Variants in XKR6 observed in about 807,000 individuals in gnomAD.
XKR6 encodes the protein XK related 6.
In XKR6, 22 loss-of-function variants were observed where a neutral mutation model predicts 56.7. That is an observed-to-expected ratio of 0.39 (90% CI 0.28 to 0.55). XKR6 has a LOEUF of 0.55. XKR6 is among the 20% of genes least tolerant of loss of function. XKR6 has a pLI of 0.66. For missense variants in XKR6, 852 were observed against 889.0 expected (o/e 0.96, Z 0.53); for synonymous variants, 524 against 387.8 (o/e 1.35, Z -4.13).
At chr8:11,151,062 A>C (rs938748723) in intron 1 of XKR6, among the ~76,000 whole-genome samples, 1 of 152,140 alleles carries the variant, frequency 6.6e-6, no homozygotes, top group Non-Finnish European at 1.5e-5. Flanking sequence ...GCTTCATATA[A>C]GACTCTTTTG....
At chr8:11,107,437 G>A (rs560773443) in intron 1 of XKR6, among the ~76,000 whole-genome samples, 49 of 152,084 alleles carry the variant, frequency 3.2e-4, no homozygotes, top group Admixed American at 2.6e-4. Context: ...CTCCTGCCTC[G>A]GCCTCCCAGA....
intron 1 of XKR6, chr8:11,108,356 T>C (rs781312590): frequency 2.9e-4 from 133 of 456,044 alleles, no homozygotes; most frequent in Non-Finnish European, 5.1e-4. Context: ...CTACTACAAT[T>C]TGAAGTACAC....
chr8:10,939,728 G>A (rs943928127), intron 1 of XKR6, among the ~76,000 whole-genome samples: 1 of 152,228 alleles, frequency 6.6e-6, no homozygotes, highest in Non-Finnish European at 1.5e-5. Flanking sequence ...CTCTGCTTTC[G>A]ACCAGAGACC....
chr8:11,162,230 G>A (rs1006633086), intron 1 of XKR6, among the ~76,000 whole-genome samples: 1 of 152,212 alleles, frequency 6.6e-6, no homozygotes, highest in African/African-American at 2.4e-5. Flanking sequence ...AAGTTGAGGA[G>A]AAGTGGTTGC....
chr8:11,044,047 T>C (rs892671789), intron 1 of XKR6, among the ~76,000 whole-genome samples: 1 of 152,218 alleles, frequency 6.6e-6, no homozygotes, highest in African/African-American at 2.4e-5. Flanking sequence ...CACCAGACAG[T>C]GACTAACCGA....
At chr8:10,923,578 G>A (rs1586310326) in intron 2 of XKR6, among the ~76,000 whole-genome samples, 1 of 152,364 alleles carries the variant, frequency 6.6e-6, no homozygotes, top group Middle Eastern at 3.4e-3. Flanking sequence ...AGGGGGATTG[G>A]AGCCTACAGA....
chr8:11,145,123 A>C (rs1037579065), intron 1 of XKR6, among the ~76,000 whole-genome samples: 3 of 152,146 alleles, frequency 2.0e-5, no homozygotes, highest in Non-Finnish European at 4.4e-5. Context: ...CCAAAATCCA[A>C]AACATTTTGA....
intron 1 of XKR6, among the ~76,000 whole-genome samples, chr8:11,092,081 C>G (rs961503312): frequency 2.6e-5 from 4 of 152,144 alleles, no homozygotes; most frequent in African/African-American, 7.2e-5. Context: ...TACAAATGTT[C>G]ATAGCAAGTG....
At chr8:11,037,278 T>C (rs952770191) in intron 1 of XKR6, among the ~76,000 whole-genome samples, 2 of 152,066 alleles carry the variant, frequency 1.3e-5, no homozygotes, top group African/African-American at 2.4e-5. Flanking sequence ...CAGGCTGGAG[T>C]GTGGTGGTAC....
At chr8:11,093,501 G>C (rs917512819) in intron 1 of XKR6, among the ~76,000 whole-genome samples, 7 of 152,226 alleles carry the variant, frequency 4.6e-5, no homozygotes, top group African/African-American at 1.7e-4. Flanking sequence ...GTGGCGTCTT[G>C]TGCCAGCAGC....
At chr8:10,925,418 T>C (rs1429818564) in intron 1 of XKR6, among the ~76,000 whole-genome samples, 1 of 152,134 alleles carries the variant, frequency 6.6e-6, no homozygotes, top group Non-Finnish European at 1.5e-5. Flanking sequence ...TGTCGCCGGA[T>C]AGTGGAACAA....
At chr8:11,121,051 G>A (rs2129183515) in intron 1 of XKR6, among the ~76,000 whole-genome samples, 1 of 152,304 alleles carries the variant, frequency 6.6e-6, no homozygotes. Context: ...ATGGATTAAA[G>A]CCTTACATGT....
At chr8:10,921,395 C>T (rs562567974) in intron 2 of XKR6, among the ~76,000 whole-genome samples, 6 of 152,252 alleles carry the variant, frequency 3.9e-5, no homozygotes, top group Non-Finnish European at 5.9e-5. Flanking sequence ...TGGCCCATGG[C>T]GGGTGGTACC....
chr8:10,927,074 T>A (rs184605682), intron 1 of XKR6, among the ~76,000 whole-genome samples: 1 of 152,136 alleles, frequency 6.6e-6, no homozygotes. Context: ...GAAGAGATGA[T>A]GGCAGCAAGA....
intron 1 of XKR6, among the ~76,000 whole-genome samples, chr8:11,175,815 C>T (rs539857880): frequency 6.6e-6 from 1 of 152,306 alleles, no homozygotes; most frequent in East Asian, 1.9e-4. Context: ...AAATACACTA[C>T]ACATCCGTCC....
intron 2 of XKR6, among the ~76,000 whole-genome samples, chr8:10,910,496 C>G (rs1466788275): frequency 6.6e-6 from 1 of 152,172 alleles, no homozygotes; most frequent in Admixed American, 6.5e-5. Flanking sequence ...GAAAGAGCCA[C>G]CACCGCAATC....
chr8:10,976,751 CTG>C (rs888476102), intron 1 of XKR6, among the ~76,000 whole-genome samples: 5 of 52,964 alleles, frequency 9.4e-5, no homozygotes, highest in South Asian at 1.2e-3. Flanking sequence ...GCTACCTCGC[CTG>C]TCTCTCTCTC....
At position 11,201,386 on chromosome 8, in the gene XKR6, G is replaced by C. The variant is rs766528629; in HGVS notation, c.-47C>G. ...GGAGGTTGGGGGGGAGGGACGGCGG[G>C]GGGGGGGGGAAGAAGGCAGGGAACG... On this transcript the variant is annotated 5_prime_UTR_variant, in exon 1 of 3. Transcript: ENST00000416569. 2.4e-4 allele frequency: 251 copies of C among 1,065,942 alleles called. 3 individuals carry two copies. The highest frequency in any genetic ancestry group is 1.5e-3 in the Middle Eastern group (4 of 2,692). 66.0% of individuals were successfully genotyped at this position (1,065,942 alleles called of 1,614,324 possible).
Position 10,984,732 on chromosome 8 carries a change from C to CTCTCTCTCTCTCTATATATA in XKR6, c.765-59903_765-59902insTATATATAGAGAGAGAGAGA. Among the ~76,000 whole-genome samples, 38 of 47,478 alleles carry CTCTCTCTCTCTCTATATATA rather than the reference C, an allele frequency of 8.0e-4. 1 individual carries two copies. Among genetic ancestry groups the CTCTCTCTCTCTCTATATATA allele is most frequent in the South Asian group, 1.7e-3 (2 of 1,144 alleles). The allele number at this position is 47,478 out of a possible 152,430, so 31.1% of individuals were successfully genotyped here. A position where few individuals can be genotyped will look rare whatever the true frequency, so the allele number is the denominator to read the frequency against. ...TCTCTCTCTCTCTCTCTCTCTCTCT[C>CTCTCTCTCTCTCTATATATA]TATATATATATATATATATATATAT... On this transcript the variant is annotated intron_variant, in intron 1 of 2. Coordinates refer to ENST00000416569, the MANE Select transcript of XKR6 (RefSeq NM_173683.4).
Sources: gnomAD v4.1 joint callset for allele counts (sites outside exome capture counted in the v4.1 genomes callset) on GRCh38, gnomAD v4.1.1 for gene constraint, MANE v1.5 for transcripts, NCBI Gene and HGNC (gene_info 2026-07-23, HGNC 2026-07-21) for gene names.